The following RALGPS1 variants were observed in gnomAD, a reference collection of about 807,000 sequenced individuals.
The protein encoded by RALGPS1 is Ral GEF with PH domain and SH3 binding motif 1.
In RALGPS1, 19 loss-of-function variants were observed where a neutral mutation model predicts 78.8. That is an observed-to-expected ratio of 0.24 (90% confidence interval 0.17 to 0.35). RALGPS1 has a LOEUF of 0.35. Ranked by LOEUF, RALGPS1 falls within the 10% of genes least tolerant of loss-of-function variation. The pLI, the probability that RALGPS1 is intolerant of heterozygous loss-of-function variation, is 1.00. For missense variants in RALGPS1, 454 were observed against 688.3 expected (o/e 0.66, Z 3.81); for synonymous variants, 228 against 256.3 (o/e 0.89, Z 1.06).
intron 1 of RALGPS1, among the ~76,000 whole-genome samples, chr9:126,941,998 C>G (rs1052448865): frequency 6.6e-6 from 1 of 152,202 alleles, no homozygotes; most frequent in Non-Finnish European, 1.5e-5. Flanking sequence ...ATCCTCACAC[C>G]AACCCTCTAA....
In RALGPS1 at chr9:127,184,421, C is replaced by T. The variant is rs1029290628; in HGVS notation, c.910+9639C>T. ...TCGTGAGAGCTGCATGTATGAGAAA[C>T]AATGTGTGTGAATGTGAAAGTGACC... is the stretch of plus-strand genomic sequence containing the variant. On this transcript the variant is annotated intron_variant, in intron 11 of 18. Transcript: ENST00000259351. The T allele has an allele frequency of 5.7e-5, 15 of 262,902 alleles. 1 individual carries two copies. The highest frequency in any genetic ancestry group is 5.1e-4 in the Admixed American group (10 of 19,654). 16.3% of individuals were successfully genotyped at this position (262,902 alleles called of 1,614,324 possible).
At chr9:127,208,904 C>G (rs981348358) in intron 14 of RALGPS1, among the ~76,000 whole-genome samples, 8 of 152,240 alleles carry the variant, frequency 5.3e-5, no homozygotes, top group Non-Finnish European at 1.5e-5. Flanking sequence ...CATGCCCTGT[C>G]TCAGGTACTG....
Position 127,091,830 on chromosome 9 carries a change from G to T in RALGPS1, c.610+22474G>T, listed in dbSNP as rs1279004267. ...TGGCGTATTCTGCAAAGACTTTGCG[G>T]CCGGACCAGTCCTCCATGGTCACCA... On this transcript the variant is annotated intron_variant, in intron 8 of 18. Coordinates refer to ENST00000259351, the MANE Select transcript of RALGPS1 (RefSeq NM_014636.3). This position sits in a 1 kb window ranked among gnomAD's most constrained non-coding sequence, Gnocchi z 4.3. The T allele has an allele frequency of 3.1e-6, 5 of 1,614,168 alleles. No homozygotes were observed. Among genetic ancestry groups the T allele is most frequent in the Non-Finnish European group, 4.2e-6 (5 of 1,180,024 alleles).
chr9:127,044,318 G>A (rs572596450), intron 5 of RALGPS1, among the ~76,000 whole-genome samples: 7 of 151,820 alleles, frequency 4.6e-5, no homozygotes, highest in Admixed American at 1.3e-4. Flanking sequence ...GTGCAGTGGC[G>A]TGATCTCAGC....
At chr9:127,149,565 C>A (rs1433991937) in intron 8 of RALGPS1, among the ~76,000 whole-genome samples, 1 of 152,232 alleles carries the variant, frequency 6.6e-6, no homozygotes, top group African/African-American at 2.4e-5. Flanking sequence ...ACATCTGCCC[C>A]CTCTGAGGGC....
chr9:126,946,053 A>G (rs1249977373), intron 1 of RALGPS1, among the ~76,000 whole-genome samples: 1 of 152,314 alleles, frequency 6.6e-6, no homozygotes, highest in South Asian at 2.1e-4. Context: ...AGACTGCGTA[A>G]GAGGCTTTCA....
intron 8 of RALGPS1, among the ~76,000 whole-genome samples, chr9:127,152,006 ATTGT>A (rs1002215465): frequency 2.6e-5 from 4 of 151,768 alleles, no homozygotes; most frequent in Non-Finnish European, 5.9e-5. Flanking sequence ...CTCACTCCTT[ATTGT>A]TTAATTTTTT....
chr9:126,952,650 A>AGTGTGT (rs1486310137), intron 1 of RALGPS1, among the ~76,000 whole-genome samples: 4 of 71,028 alleles, frequency 5.6e-5, no homozygotes, highest in South Asian at 1.0e-3. Flanking sequence ...AGAGAGAGAG[A>AGTGTGT]GAGAGAGTGT....
intron 1 of RALGPS1, among the ~76,000 whole-genome samples, chr9:126,952,673 G>GTGTGTGTGTGTGTGTGTGTC (rs771422718): frequency 4.7e-5 from 5 of 107,024 alleles, no homozygotes; most frequent in East Asian, 5.6e-4. Context: ...GTGTGTGTGT[G>GTGTGTGTGTGTGTGTGTGTC]TGTGTGTCTG....
At chr9:126,954,516 G>GTGGC (rs1456258228) in intron 1 of RALGPS1, among the ~76,000 whole-genome samples, 1 of 152,222 alleles carries the variant, frequency 6.6e-6, no homozygotes, top group Non-Finnish European at 1.5e-5. Flanking sequence ...GCCAGGCATG[G>GTGGC]TGGCTTATGC....
chr9:127,215,697 C>T (rs566563167), intron 18 of RALGPS1, among the ~76,000 whole-genome samples: 1 of 152,312 alleles, frequency 6.6e-6, no homozygotes, highest in East Asian at 1.9e-4. Context: ...ACTGGAAGCA[C>T]ATCCCCAGCT....
In RALGPS1 at chr9:127,199,488, T is replaced by C. The variant is rs187766298; in HGVS notation, c.1247+422T>C. ...CTTCGGTATTTATTGACCCCCACCC[T>C]GCTAGGCACTGGTGACAGGGAAGTG... is the stretch of plus-strand genomic sequence containing the variant. On this transcript the variant is annotated intron_variant, in intron 14 of 18. Transcript: ENST00000259351. 1.7e-3 allele frequency among the ~76,000 whole-genome samples: 248 copies of C among 144,694 alleles called. 2 individuals carry two copies. The highest frequency in any genetic ancestry group is 6.0e-3 in the African/African-American group (237 of 39,786). The allele number at this position is 144,694 out of a possible 152,430, so 94.9% of individuals were successfully genotyped here.
intron 1 of RALGPS1, among the ~76,000 whole-genome samples, chr9:126,920,273 C>T (rs1001422839): frequency 6.6e-6 from 1 of 152,134 alleles, no homozygotes; most frequent in African/African-American, 2.4e-5. Flanking sequence ...CTGGACTCTA[C>T]TTCTTCACTC....
chr9:126,944,292 A>G (rs2037051818), intron 1 of RALGPS1, among the ~76,000 whole-genome samples: 1 of 152,234 alleles, frequency 6.6e-6, no homozygotes, highest in African/African-American at 2.4e-5. Context: ...ACTTAGTGAC[A>G]CTAATGGATG....
chr9:127,214,728 C>A (rs1419774995), intron 17 of RALGPS1, 23 bp from the exon 18 acceptor site: 1 of 1,595,778 alleles, frequency 6.3e-7, no homozygotes, highest in Non-Finnish European at 8.5e-7. Context: ...CTCTTCTTAA[C>A]TCATGGTTTC....
intron 4 of RALGPS1, among the ~76,000 whole-genome samples, chr9:126,986,032 AG>A (rs2041765731): frequency 6.6e-6 from 1 of 152,238 alleles, no homozygotes; most frequent in Non-Finnish European, 1.5e-5. Context: ...CCGCAAAGCA[AG>A]GGTATTTCCT....
Position 126,945,948 on chromosome 9 carries a change from T to C in RALGPS1, c.-65-16277T>C, listed in dbSNP as rs181074763. ...TGGGTATGCTTTAGATATAGGAAAA[T>C]GTACCTTTTTTAGTGTATTGTTATG... On this transcript the variant is annotated intron_variant, in intron 1 of 18. Coordinates refer to ENST00000259351, the MANE Select transcript of RALGPS1 (RefSeq NM_014636.3). 3.3e-5 allele frequency among the ~76,000 whole-genome samples: 5 copies of C among 152,304 alleles called. No homozygotes were observed. In the East Asian group the frequency reaches 7.7e-4, roughly 24 times the overall value.
chr9:127,188,850 T>G (rs918479233), intron 11 of RALGPS1, among the ~76,000 whole-genome samples: 7 of 67,370 alleles, frequency 1.0e-4, no homozygotes, highest in African/African-American at 2.1e-4. Context: ...AAAAAAAAAA[T>G]GTAGCCAGGC....
chr9:127,106,216 T>C (rs918482714), intron 8 of RALGPS1, among the ~76,000 whole-genome samples: 2 of 151,920 alleles, frequency 1.3e-5, no homozygotes, highest in African/African-American at 4.8e-5. Context: ...CCAGTCAGGG[T>C]TATAACAACA....
Sources: gnomAD v4.1 joint callset for allele counts (sites outside exome capture counted in the v4.1 genomes callset) on GRCh38, gnomAD v4.1.1 for gene constraint, Gnocchi (gnomAD v3.1) non-coding constraint, MANE v1.5 for transcripts, NCBI Gene and HGNC (gene_info 2026-07-23, HGNC 2026-07-21) for gene names.